Variants in GPHN observed in about 807,000 individuals in gnomAD.
The protein encoded by GPHN is gephyrin.
In GPHN, 17 loss-of-function variants were observed where a neutral mutation model predicts 95.5. The observed-to-expected ratio is 0.18, with a 90% CI of 0.12 to 0.27. GPHN has a LOEUF of 0.27. Among genes scored for constraint, GPHN ranks in the 10% least tolerant of loss-of-function variants. The pLI is 1.00. For missense variants in GPHN, 660 were observed against 978.1 expected, an observed-to-expected ratio of 0.67 and a Z score of 4.34; for synonymous variants, 320 against 322.5, an observed-to-expected ratio of 0.99 and a Z score of 0.08.
chr14:67,369,881 C>T, the GPHN span, among the ~76,000 whole-genome samples: 18 of 152,180 alleles, frequency 1.2e-4, no homozygotes, highest in East Asian at 1.5e-3. Context: ...AACCCAGAGG[C>T]GCTAGAGGAA....
chr14:67,391,268 GAT>G, the GPHN span, among the ~76,000 whole-genome samples: 226 of 141,462 alleles, frequency 1.6e-3, 1 homozygote, highest in South Asian at 0.015. Context: ...GTAAGCAGCT[GAT>G]ATGTGTGTGT....
At chr14:67,481,901 G>A in the GPHN span, among the ~76,000 whole-genome samples, 1 of 152,360 alleles carries the variant, frequency 6.6e-6, no homozygotes, top group Admixed American at 6.5e-5. Flanking sequence ...CCTGAGACCT[G>A]TGACATGAAG....
the GPHN span, among the ~76,000 whole-genome samples, chr14:67,243,409 A>G: frequency 2.0e-5 from 3 of 151,450 alleles, no homozygotes; most frequent in East Asian, 5.8e-4. Context: ...GCTGGCCTCG[A>G]ACTCCTGACC....
chr14:67,159,195 C>T lies in GPHN; in HGVS notation c.1837-220C>T, dbSNP rs72717310. 0.054 allele frequency among the ~76,000 whole-genome samples: 8,197 copies of T among 152,158 alleles called. 229 individuals are homozygous for T. The highest frequency in any genetic ancestry group is 0.068 in the Middle Eastern group (20 of 294). ...AAGGCTGTATCCCCCTACACATAGA[C>T]TGGTACTCATCATATACCAAGTGTT... On this transcript the variant is annotated intron_variant, in intron 18 of 22. Transcript: ENST00000478722.
chr14:67,238,365 C>T, the GPHN span, among the ~76,000 whole-genome samples: 13 of 150,478 alleles, frequency 8.6e-5, no homozygotes, highest in African/African-American at 3.2e-4. Context: ...ATCTCCTGGG[C>T]TCAAGGGATC....
intron 1 of GPHN, among the ~76,000 whole-genome samples, chr14:66,558,531 G>T (rs1220501624): frequency 6.6e-6 from 1 of 151,840 alleles, no homozygotes; most frequent in Non-Finnish European, 1.5e-5. Flanking sequence ...TTATGTCATA[G>T]GCCTCCATTC....
At chr14:67,608,736 G>C in the GPHN span, among the ~76,000 whole-genome samples, 2 of 152,212 alleles carry the variant, frequency 1.3e-5, no homozygotes, top group Admixed American at 6.5e-5. Flanking sequence ...GTTGCCTGCA[G>C]ATTTGGTGTC....
chr14:67,468,897 AAAT>A, the GPHN span, among the ~76,000 whole-genome samples: 2 of 151,840 alleles, frequency 1.3e-5, no homozygotes, highest in Admixed American at 6.6e-5. Flanking sequence ...TCTGTCTCAA[AAAT>A]AATAATAATA....
chr14:67,649,066 A>T, the GPHN span: 2 of 152,178 alleles, frequency 1.3e-5, no homozygotes, highest in Admixed American at 1.3e-4. Context: ...GCAATCTTAG[A>T]TGTTGCCAGT....
intron 1 of GPHN, among the ~76,000 whole-genome samples, chr14:66,629,940 T>C (rs907051512): frequency 1.1e-4 from 16 of 152,212 alleles, no homozygotes; most frequent in Admixed American, 2.6e-4. Flanking sequence ...AATTGCTTCC[T>C]AAGAAGATTA....
the GPHN span, among the ~76,000 whole-genome samples, chr14:67,376,110 T>C: frequency 6.6e-6 from 1 of 152,156 alleles, no homozygotes. Flanking sequence ...TGTATTTGTA[T>C]AGCCGTTTTC....
chr14:67,531,765 G>A, the GPHN span, among the ~76,000 whole-genome samples: 28 of 141,750 alleles, frequency 2.0e-4, no homozygotes, highest in Admixed American at 6.4e-4. Flanking sequence ...TTTTTTTGCT[G>A]GGTATAGTAG....
chr14:67,191,193 CACTGCACTCCAGCCTG>C, the GPHN span, among the ~76,000 whole-genome samples: 1 of 152,152 alleles, frequency 6.6e-6, no homozygotes. Context: ...AAGATCACAC[CACTGCACTCCAGCCTG>C]GGTGATGGAG....
intron 8 of GPHN, among the ~76,000 whole-genome samples, chr14:66,941,710 A>G (rs969830006): frequency 9.2e-5 from 14 of 152,078 alleles, no homozygotes; most frequent in African/African-American, 2.9e-4. Context: ...TGTTTCTCCA[A>G]TTGCATCCTG....
At chr14:66,796,197 G>A (rs1474703127) in intron 3 of GPHN, among the ~76,000 whole-genome samples, 2 of 152,026 alleles carry the variant, frequency 1.3e-5, no homozygotes, top group African/African-American at 2.4e-5. Flanking sequence ...ATACTCCACT[G>A]TATATAAGAA....
the GPHN span, chr14:67,541,835 G>A: frequency 1.3e-6 from 2 of 1,544,090 alleles, no homozygotes; most frequent in Non-Finnish European, 1.7e-6. Context: ...GGTTCTTAGG[G>A]CTCCCCAGAA....
intron 2 of GPHN, among the ~76,000 whole-genome samples, chr14:66,720,807 G>A (rs1354755381): frequency 1.3e-5 from 2 of 152,180 alleles, no homozygotes; most frequent in Non-Finnish European, 2.9e-5. Context: ...CAAGGCTGCA[G>A]TGAGCTATGA....
At chr14:67,281,177 G>A in the GPHN span, among the ~76,000 whole-genome samples, 1 of 151,748 alleles carries the variant, frequency 6.6e-6, no homozygotes, top group Non-Finnish European at 1.5e-5. Context: ...GATTACAGGT[G>A]TGAGCCACTG....
At chr14:67,400,320 G>A in the GPHN span, among the ~76,000 whole-genome samples, 1 of 152,196 alleles carries the variant, frequency 6.6e-6, no homozygotes. Flanking sequence ...CAGTCCAGTG[G>A]AATTGCACAT....
Sources: gnomAD v4.1 joint callset for allele counts (sites outside exome capture counted in the v4.1 genomes callset) on GRCh38, gnomAD v4.1.1 for gene constraint, MANE v1.5 for transcripts, NCBI Gene and HGNC (gene_info 2026-07-23, HGNC 2026-07-21) for gene names.